CTNNA3: variants seen among roughly 807,000 people sequenced by gnomAD.
The protein encoded by CTNNA3 is catenin alpha-3.
In CTNNA3, 76 loss-of-function variants were observed where a neutral mutation model predicts 95.7. That is an observed-to-expected ratio of 0.79 (90% CI 0.66 to 0.96). CTNNA3 has a LOEUF of 0.96. CTNNA3 is among the 40% of genes least tolerant of loss of function. CTNNA3 has a pLI of 0.00. For missense variants in CTNNA3, 1,191 were observed against 1,089.8 expected (o/e 1.09, Z -1.31); for synonymous variants, 431 against 374.4 (o/e 1.15, Z -1.74).
chr10:66,974,637 G>A (rs1849924589), intron 7 of CTNNA3, among the ~76,000 whole-genome samples: 1 of 152,120 alleles, frequency 6.6e-6, no homozygotes, highest in Admixed American at 6.5e-5. Flanking sequence ...ATGTATAAGA[G>A]TTTCATTGGT....
chr10:66,891,195 G>A (rs1845256360), intron 7 of CTNNA3, among the ~76,000 whole-genome samples: 1 of 152,088 alleles, frequency 6.6e-6, no homozygotes, highest in African/African-American at 2.4e-5. Flanking sequence ...TGTTAATATA[G>A]AGACCATTAT....
intron 13 of CTNNA3, among the ~76,000 whole-genome samples, chr10:66,108,559 G>A (rs889001536): frequency 5.9e-5 from 9 of 151,356 alleles, no homozygotes; most frequent in Admixed American, 4.6e-4. Flanking sequence ...ATTTTCTTTA[G>A]GTCCTTTTTC....
intron 7 of CTNNA3, among the ~76,000 whole-genome samples, chr10:66,826,123 G>A: frequency 6.6e-6 from 1 of 152,124 alleles, no homozygotes; most frequent in Non-Finnish European, 1.5e-5. Context: ...GGGGTGTTCA[G>A]TATGTTTCTT....
At chr10:66,011,152 T>C (rs1428798053) in intron 15 of CTNNA3, among the ~76,000 whole-genome samples, 2 of 152,180 alleles carry the variant, frequency 1.3e-5, no homozygotes, top group African/African-American at 4.8e-5. Flanking sequence ...GATTTCAGCC[T>C]ATCTGTGGTC....
chr10:66,269,165 T>C (rs773959519), intron 13 of CTNNA3, among the ~76,000 whole-genome samples: 13 of 152,250 alleles, frequency 8.5e-5, no homozygotes, highest in Non-Finnish European at 1.9e-4. Context: ...GTATCTTTGT[T>C]ATCCCCATTT....
chr10:67,732,925 A>C (rs1841284375), intron 1 of CTNNA3, among the ~76,000 whole-genome samples: 1 of 151,122 alleles, frequency 6.6e-6, no homozygotes, highest in Non-Finnish European at 1.5e-5. Context: ...CTCTCTCTCA[A>C]GACTCCGTTA....
intron 7 of CTNNA3, among the ~76,000 whole-genome samples, chr10:66,899,519 A>C (rs1400659098): frequency 1.3e-5 from 2 of 152,174 alleles, no homozygotes; most frequent in Non-Finnish European, 2.9e-5. Context: ...GGTGCAGCCC[A>C]CGGAGGGTGA....
intron 5 of CTNNA3, among the ~76,000 whole-genome samples, chr10:67,293,123 TA>T (rs561499124): frequency 6.6e-6 from 1 of 152,142 alleles, no homozygotes; most frequent in African/African-American, 2.4e-5. Flanking sequence ...TCAGGTTACA[TA>T]AAAAAATTAT....
In CTNNA3 at chr10:67,457,105, A is replaced by G. The variant is rs528670128; in HGVS notation, c.579+64737T>C. Among the ~76,000 whole-genome samples, 3 of 152,324 alleles carry G rather than the reference A, an allele frequency of 2.0e-5. No individual in the cohort carries two copies. The East Asian group carries it at 5.8e-4, about 29-fold the overall frequency. ...ATAGAAAGGAAGGATAGCTAATATAAGAAATACTCTGTGAACAGGATTTTT... is the reference window on the plus strand; with the variant it reads ...ATAGAAAGGAAGGATAGCTAATATAGGAAATACTCTGTGAACAGGATTTTT... On this transcript the variant is annotated intron_variant, in intron 5 of 17. Coordinates refer to ENST00000433211, the MANE Select transcript of CTNNA3 (RefSeq NM_013266.4).
At chr10:66,178,866 C>T (rs1297659878) in intron 13 of CTNNA3, among the ~76,000 whole-genome samples, 3 of 151,836 alleles carry the variant, frequency 2.0e-5, no homozygotes, top group African/African-American at 7.3e-5. Context: ...TCATTACATA[C>T]CTATCAGAAT....
rs952703466 is a variant in CTNNA3, at chr10:65,917,148, A to C, written c.*3182T>G. 6.6e-5 allele frequency: 10 copies of C among 152,192 alleles called. No individual in the cohort carries two copies. Among genetic ancestry groups the C allele is most frequent in the African/African-American group, 2.4e-4 (10 of 41,462 alleles). 9.4% of individuals were successfully genotyped at this position (152,192 alleles called of 1,614,324 possible). ...TATGTTATATTGATCTTATGTTAAA[A>C]GATTTCAAAGGCCAGAAGGCACACT... is the stretch of plus-strand genomic sequence containing the variant. On this transcript the variant is annotated 3_prime_UTR_variant, in exon 18 of 18. Transcript: ENST00000433211.
At chr10:66,989,652 C>T (rs1850933453) in intron 7 of CTNNA3, among the ~76,000 whole-genome samples, 1 of 152,000 alleles carries the variant, frequency 6.6e-6, no homozygotes, top group African/African-American at 2.4e-5. Context: ...GAGTGAATAG[C>T]TTACCTAACG....
intron 17 of CTNNA3, among the ~76,000 whole-genome samples, chr10:65,944,296 C>A (rs1396598025): frequency 6.6e-6 from 1 of 152,254 alleles, no homozygotes; most frequent in African/African-American, 2.4e-5. Flanking sequence ...TTTTAGCATA[C>A]TCCGAGGCAC....
At chr10:66,886,326 C>A (rs970917134) in intron 7 of CTNNA3, among the ~76,000 whole-genome samples, 5 of 152,024 alleles carry the variant, frequency 3.3e-5, no homozygotes, top group Non-Finnish European at 7.4e-5. Context: ...GAAGCTCTGG[C>A]TCCATGATCT....
intron 5 of CTNNA3, among the ~76,000 whole-genome samples, chr10:67,426,197 A>G (rs1331843359): frequency 6.6e-6 from 1 of 152,116 alleles, no homozygotes; most frequent in Admixed American, 6.6e-5. Context: ...ATTCTAGGAT[A>G]ATGAAATTAT....
chr10:66,371,020 C>T (rs1012495071), intron 12 of CTNNA3, among the ~76,000 whole-genome samples: 1 of 152,070 alleles, frequency 6.6e-6, no homozygotes, highest in Non-Finnish European at 1.5e-5. Flanking sequence ...ACTGCCCAGC[C>T]TCAAACAGTA....
intron 11 of CTNNA3, among the ~76,000 whole-genome samples, chr10:66,427,354 T>C (rs1589233741): frequency 6.6e-6 from 1 of 152,052 alleles, no homozygotes; most frequent in East Asian, 1.9e-4. Context: ...CACAGTACTA[T>C]CTTGGCTTAT....
chr10:66,293,871 T>G (rs1401516511), intron 12 of CTNNA3, among the ~76,000 whole-genome samples: 1 of 152,032 alleles, frequency 6.6e-6, no homozygotes, highest in Non-Finnish European at 1.5e-5. Flanking sequence ...TTCAACATAT[T>G]GGCCAGGCTG....
intron 13 of CTNNA3, among the ~76,000 whole-genome samples, chr10:66,248,348 T>TAAA (rs71474035): frequency 0.077 from 11,198 of 144,746 alleles, 553 homozygotes; most frequent in Admixed American, 0.13. Context: ...GAGAAAATCA[T>TAAA]AAAAAAAAAA....
Sources: allele counts gnomAD v4.1 joint callset (sites outside exome capture counted in the v4.1 genomes callset), GRCh38; gene constraint gnomAD v4.1.1; transcripts MANE v1.5; gene names NCBI Gene and HGNC (gene_info 2026-07-23, HGNC 2026-07-21).